Variants in TSHZ2 observed in about 807,000 individuals in gnomAD.
TSHZ2 encodes the protein teashirt homolog 2.
TSHZ2 carries 21 observed loss-of-function variants against 74.4 expected under a neutral mutation model. The ratio of observed to expected loss-of-function variants is 0.28; its 90% CI spans 0.20 to 0.41. The LOEUF is 0.41. Among genes scored for constraint, TSHZ2 ranks in the 10% least tolerant of loss-of-function variants. The pLI is 1.00. For missense variants in TSHZ2, 1,244 were observed against 1,293.5 expected, an observed-to-expected ratio of 0.96 and a Z score of 0.59; for synonymous variants, 540 against 515.3, an observed-to-expected ratio of 1.05 and a Z score of -0.65.
At chr20:53,447,912 A>ATT (rs3042218) in intron 2 of TSHZ2, among the ~76,000 whole-genome samples, 13 of 134,854 alleles carry the variant, frequency 9.6e-5, no homozygotes, top group East Asian at 4.4e-4. Context: ...GGAAGAAGAA[A>ATT]TTTTTTTTTT....
At chr20:53,227,661 ATTCCAT>A (rs1989716253) in intron 1 of TSHZ2, among the ~76,000 whole-genome samples, 1 of 152,160 alleles carries the variant, frequency 6.6e-6, no homozygotes, top group Admixed American at 6.5e-5. Flanking sequence ...CTTGTGTGTA[ATTCCAT>A]TAGCTGCCCT....
At position 53,441,588 on chromosome 20, in the gene TSHZ2, G is replaced by A. The variant is rs540087964; in HGVS notation, c.*9-45556G>A. ...AGCGTGAGCCACCACGCCCAGCCTC[G>A]TATTTTATTTTTGAGATGGAGTCTC... On this transcript the variant is annotated intron_variant, in intron 2 of 2. Transcript: ENST00000371497. Among the ~76,000 whole-genome samples the A allele has an allele frequency of 2.6e-4, 35 of 137,110 alleles. No homozygotes were observed. The South Asian group carries it at 3.0e-3, about 12-fold the overall frequency. 89.9% of individuals were successfully genotyped at this position (137,110 alleles called of 152,430 possible). A position where few individuals can be genotyped will look rare whatever the true frequency, so the allele number is the denominator to read the frequency against.
chr20:53,424,569 TA>T (rs914285487), intron 2 of TSHZ2, among the ~76,000 whole-genome samples: 50 of 152,224 alleles, frequency 3.3e-4, no homozygotes, highest in African/African-American at 1.1e-3. Flanking sequence ...CTTTTTTTTT[TA>T]AATTTTTTTA....
intron 1 of TSHZ2, among the ~76,000 whole-genome samples, chr20:53,021,909 A>T (rs1430026329): frequency 6.6e-6 from 1 of 152,216 alleles, no homozygotes. Flanking sequence ...TACTTGAAGG[A>T]ATCTTGGGAC....
At chr20:53,392,074 A>G (rs889459878) in intron 2 of TSHZ2, among the ~76,000 whole-genome samples, 4 of 152,240 alleles carry the variant, frequency 2.6e-5, no homozygotes, top group Non-Finnish European at 4.4e-5. Context: ...TAATAAAGAC[A>G]TGGAGGTAAT....
At chr20:53,262,765 C>T (rs1424757251) in intron 2 of TSHZ2, among the ~76,000 whole-genome samples, 1 of 152,200 alleles carries the variant, frequency 6.6e-6, no homozygotes, top group Non-Finnish European at 1.5e-5. Flanking sequence ...CAGTTGCTTT[C>T]TTTCCCGACT....
At chr20:53,030,536 A>G (rs892406718) in intron 1 of TSHZ2, among the ~76,000 whole-genome samples, 3 of 152,192 alleles carry the variant, frequency 2.0e-5, no homozygotes, top group African/African-American at 2.4e-5. Context: ...AATTTTTTAT[A>G]TCATGGTTGC....
At chr20:53,333,184 T>A (rs1342307333) in intron 2 of TSHZ2, among the ~76,000 whole-genome samples, 1 of 152,232 alleles carries the variant, frequency 6.6e-6, no homozygotes, top group Non-Finnish European at 1.5e-5. Context: ...TTTTGTTGAT[T>A]GAACAAATAT....
intron 1 of TSHZ2, chr20:53,196,366 T>TAAAAAAAAAAAAAAAA (rs34385917): frequency 2.7e-5 from 3 of 109,680 alleles, no homozygotes; most frequent in African/African-American, 9.3e-5. Context: ...AATCTGCTGC[T>TAAAAAAAAAAAAAAAA]AAAAAAAAAA....
chr20:52,990,122 T>C (rs1484634919), intron 1 of TSHZ2, among the ~76,000 whole-genome samples: 3 of 152,198 alleles, frequency 2.0e-5, no homozygotes, highest in Non-Finnish European at 4.4e-5. Flanking sequence ...TGGTAATTTT[T>C]ACAATCTTCA....
Position 53,036,486 on chromosome 20 carries a change from T to C in TSHZ2, c.40+63153T>C, listed in dbSNP as rs1386060611. On this transcript the variant is annotated intron_variant, in intron 1 of 2. Coordinates refer to ENST00000371497, the MANE Select transcript of TSHZ2 (RefSeq NM_173485.6). Reference sequence around the variant, plus strand: ...TATTAGAAAGAAATAGAAACACATATACATACACACATATATAAACACATA... The same window carrying C: ...TATTAGAAAGAAATAGAAACACATACACATACACACATATATAAACACATA... Among the ~76,000 whole-genome samples the C allele has an allele frequency of 4.0e-5, 6 of 151,456 alleles. No individual in the cohort carries two copies. The East Asian group carries it at 1.2e-3, about 29-fold the overall frequency.
At chr20:53,274,269 A>AAAAT (rs933443798) in intron 2 of TSHZ2, among the ~76,000 whole-genome samples, 4 of 152,198 alleles carry the variant, frequency 2.6e-5, no homozygotes, top group Non-Finnish European at 4.4e-5. Flanking sequence ...ACTCCATCTC[A>AAAAT]AAATAAATAA....
intron 2 of TSHZ2, among the ~76,000 whole-genome samples, chr20:53,416,374 C>T (rs1416822190): frequency 1.3e-5 from 2 of 152,186 alleles, no homozygotes; most frequent in Non-Finnish European, 2.9e-5. Flanking sequence ...GCTCACCCTG[C>T]GTCATTCCTT....
At chr20:53,382,092 C>T (rs559959004) in intron 2 of TSHZ2, among the ~76,000 whole-genome samples, 5 of 152,250 alleles carry the variant, frequency 3.3e-5, no homozygotes, top group South Asian at 2.1e-4. Flanking sequence ...TCTCCTTTGC[C>T]CCTCAAACTT....
At chr20:53,150,512 T>G (rs1403017223) in intron 1 of TSHZ2, among the ~76,000 whole-genome samples, 1 of 152,198 alleles carries the variant, frequency 6.6e-6, no homozygotes, top group African/African-American at 2.4e-5. Context: ...CCTGCACATA[T>G]CCTCAATTTA....
At chr20:53,281,394 C>G (rs73274251) in intron 2 of TSHZ2, among the ~76,000 whole-genome samples, 14,499 of 152,204 alleles carry the variant, frequency 0.095, 1,080 homozygotes, top group African/African-American at 0.2. Flanking sequence ...TTGTAAACCT[C>G]TTTTGTCAAA....
intron 1 of TSHZ2, among the ~76,000 whole-genome samples, chr20:53,183,208 C>A (rs748397189): frequency 3.9e-5 from 6 of 152,152 alleles, no homozygotes; most frequent in African/African-American, 1.4e-4. Flanking sequence ...TGAAAAAGTT[C>A]AAAGGATATT....
chr20:53,161,805 C>T (rs1987947592), intron 1 of TSHZ2, among the ~76,000 whole-genome samples: 1 of 152,190 alleles, frequency 6.6e-6, no homozygotes, highest in Non-Finnish European at 1.5e-5. Flanking sequence ...CAAACCATAT[C>T]ATAGGGTTTT....
chr20:53,122,288 C>CAA (rs1314517744), intron 1 of TSHZ2, among the ~76,000 whole-genome samples: 170 of 65,656 alleles, frequency 2.6e-3, no homozygotes, highest in African/African-American at 8.5e-3. Flanking sequence ...ACCCCATCTA[C>CAA]AAAAAAAAAA....
Sources: allele counts gnomAD v4.1 joint callset (sites outside exome capture counted in the v4.1 genomes callset), GRCh38; gene constraint gnomAD v4.1.1; transcripts MANE v1.5; gene names NCBI Gene and HGNC (gene_info 2026-07-23, HGNC 2026-07-21).